MAP3K13: variants seen among roughly 807,000 people sequenced by gnomAD.
MAP3K13 encodes the protein leucine zipper-bearing kinase.
MAP3K13 carries 52 observed loss-of-function variants against 104.0 expected under a neutral mutation model. The observed-to-expected ratio is 0.50, with a 90% CI of 0.40 to 0.63. The LOEUF (loss-of-function observed/expected upper bound fraction) is 0.63, where lower values mean the gene tolerates loss of function less well. MAP3K13 is among the 20% of genes least tolerant of loss of function. MAP3K13 has a pLI of 0.00. For synonymous variants in MAP3K13, 394 were observed against 442.2 expected (o/e 0.89, Z 1.37); for missense variants, 914 against 1,218.5 (o/e 0.75, Z 3.72).
Position 185,428,791 on chromosome 3 carries a change from G to A in MAP3K13, c.210G>A (p.Thr70=), listed in dbSNP as rs567375055. The A allele has an allele frequency of 1.4e-5, 22 of 1,614,114 alleles. No homozygotes were observed. The highest frequency in any genetic ancestry group is 4.5e-5 in the East Asian group (2 of 44,878). ...GCCCCGTCACCACAACAGTGTTGAC[G>A]AGCGTAAGTGAGGATTCCAGGGACC... ...VHSPVTTTVL[T]SVSEDSRDQF... is the part of the protein sequence containing the mutation. Residue 70 remains threonine, a synonymous_variant, in exon 2 of 14, where the codon ACG becomes ACA. Coordinates refer to ENST00000265026, the MANE Select transcript of MAP3K13 (RefSeq NM_004721.5).
chr3:185,308,817 G>T (rs1422440148), intron 2 of MAP3K13, among the ~76,000 whole-genome samples: 3 of 152,218 alleles, frequency 2.0e-5, no homozygotes, highest in Non-Finnish European at 4.4e-5. Context: ...GGACTGGCTT[G>T]GGGAAGGCCT....
chr3:185,452,972 ATC>A (rs1715977650), intron 7 of MAP3K13, among the ~76,000 whole-genome samples: 1 of 152,188 alleles, frequency 6.6e-6, no homozygotes, highest in Non-Finnish European at 1.5e-5. Context: ...TGACAAGAGA[ATC>A]TGCCACAGCA....
chr3:185,343,057 G>T (rs1414096412), intron 2 of MAP3K13, among the ~76,000 whole-genome samples: 1 of 152,122 alleles, frequency 6.6e-6, no homozygotes, highest in Admixed American at 6.5e-5. Context: ...TCCTTGCCAT[G>T]CGGGGTTCCC....
chr3:185,414,646 T>C (rs1313631490), intron 1 of MAP3K13, among the ~76,000 whole-genome samples: 1 of 152,156 alleles, frequency 6.6e-6, no homozygotes, highest in African/African-American at 2.4e-5. Flanking sequence ...TGCAGCTTTG[T>C]GAGAACTTTC....
chr3:185,285,635 C>T (rs759270593), exon 2 of MAP3K13: 22 of 1,534,830 alleles, frequency 1.4e-5, no homozygotes, highest in African/African-American at 2.7e-5. Flanking sequence ...TCCTAGCACT[C>T]TGGGAGAGGT....
rs770336517 is a variant in MAP3K13, at chr3:185,395,357, CTTT to C, written c.-86+32006_-86+32008del. Among the ~76,000 whole-genome samples the C allele has an allele frequency of 1.9e-4, 13 of 69,978 alleles. 1 individual carries two copies. The Admixed American group carries it at 2.0e-3, about 11-fold the overall frequency. The allele number at this position is 69,978 out of a possible 152,430, so 45.9% of individuals were successfully genotyped here. A position where few individuals can be genotyped will look rare whatever the true frequency, so the allele number is the denominator to read the frequency against. ...AGGCATTTCTAATTCAATATTATTT[CTTT>C]TTTTTTTTTTTTTTTTGAGACGGAG... On this transcript the variant is annotated intron_variant, in intron 1 of 13. Coordinates refer to ENST00000265026, the MANE Select transcript of MAP3K13 (RefSeq NM_004721.5).
At chr3:185,453,418 A>C (rs1261906964) in intron 7 of MAP3K13, among the ~76,000 whole-genome samples, 1 of 152,068 alleles carries the variant, frequency 6.6e-6, no homozygotes, top group Non-Finnish European at 1.5e-5. Flanking sequence ...CCCATCCCTG[A>C]AGGGCGATGA....
At chr3:185,288,466 A>G (rs1720611891) in intron 2 of MAP3K13, among the ~76,000 whole-genome samples, 1 of 150,576 alleles carries the variant, frequency 6.6e-6, no homozygotes, top group South Asian at 2.1e-4. Context: ...GAGAGAATAT[A>G]TATATTCCAG....
At chr3:185,312,035 T>C (rs973759063) in intron 2 of MAP3K13, among the ~76,000 whole-genome samples, 1 of 152,248 alleles carries the variant, frequency 6.6e-6, no homozygotes, top group African/African-American at 2.4e-5. Flanking sequence ...TAGAAAGGCA[T>C]TGGGTAAATA....
At chr3:185,366,496 T>C (rs761281275) in intron 1 of MAP3K13, among the ~76,000 whole-genome samples, 1 of 152,192 alleles carries the variant, frequency 6.6e-6, no homozygotes, top group Non-Finnish European at 1.5e-5. Flanking sequence ...ATGTTTAACA[T>C]TTTCAGGAGA....
In MAP3K13 at chr3:185,300,411, T is replaced by C. The variant is rs141684474; in HGVS notation, c.-86+14768T>C. ...CTTGTCTCGAACTCCTGATCACAGG[T>C]GATCCACCTGCCTTGGCCTCCCAAA... is the stretch of plus-strand genomic sequence containing the variant. On this transcript the variant is annotated intron_variant, in intron 2 of 14. Transcript: ENST00000424227. Among the ~76,000 whole-genome samples the C allele has an allele frequency of 4.5e-3, 680 of 152,192 alleles. 5 individuals are homozygous for C. Among genetic ancestry groups the C allele is most frequent in the African/African-American group, 0.015 (640 of 41,538 alleles).
rs1201492995 is a variant in MAP3K13 at position 185,418,325 on chromosome 3, A to G, written c.-85-10172A>G. 1 of 1,582,302 alleles carries G rather than the reference A, an allele frequency of 6.3e-7. No homozygotes were observed. Among genetic ancestry groups the G allele is most frequent in the Non-Finnish European group, 8.7e-7 (1 of 1,152,984 alleles). The stretch of plus-strand genomic sequence containing the variant: ...CCTTCAACTTTATCTTCAAATACCA[A>G]AGGAAGTTCAGGAACTTCCTCAATA... On this transcript the variant is annotated intron_variant, in intron 1 of 13. Transcript: ENST00000265026. The surrounding 1 kb of genome is among the most constrained non-coding windows in gnomAD (Gnocchi z 4.5).
chr3:185,396,963 G>A (rs911991068), intron 1 of MAP3K13, among the ~76,000 whole-genome samples: 1 of 152,070 alleles, frequency 6.6e-6, no homozygotes, highest in Admixed American at 6.5e-5. Flanking sequence ...TCATTGTTCT[G>A]TTAACATAAC....
At chr3:185,371,867 G>T (rs754242976) in intron 1 of MAP3K13, among the ~76,000 whole-genome samples, 17 of 152,102 alleles carry the variant, frequency 1.1e-4, no homozygotes, top group Non-Finnish European at 2.4e-4. Flanking sequence ...GCCCACTAAG[G>T]CTCCTTATTA....
chr3:185,408,952 G>A (rs376268635), intron 1 of MAP3K13, among the ~76,000 whole-genome samples: 6 of 152,260 alleles, frequency 3.9e-5, no homozygotes, highest in African/African-American at 7.2e-5. Flanking sequence ...ATCAGAAGGC[G>A]TCTACCAATG....
chr3:185,373,030 C>T lies in MAP3K13; in HGVS notation c.-86+9662C>T, dbSNP rs138343159. On this transcript the variant is annotated intron_variant, in intron 1 of 13. Coordinates refer to ENST00000265026, the MANE Select transcript of MAP3K13 (RefSeq NM_004721.5). ...TGTACCCAGAAATTCTTTACATTGA[C>T]AAATAGTTATGGACTTGAATTGGCT... Among the ~76,000 whole-genome samples the T allele has an allele frequency of 1.7e-3, 263 of 152,232 alleles. 8 individuals are homozygous for T. In the South Asian group the frequency reaches 0.018, roughly 10 times the overall value.
intron 7 of MAP3K13, among the ~76,000 whole-genome samples, chr3:185,455,268 TATATATGAGATATATGAG>T (rs1277974650): frequency 9.3e-6 from 1 of 108,104 alleles, no homozygotes; most frequent in Admixed American, 1.1e-4. Flanking sequence ...ATATATGAGA[TATATATGAGATATATGAG>T]ATATATATAT....
intron 2 of MAP3K13, chr3:185,292,849 A>G (rs1322923414): frequency 5.1e-6 from 5 of 984,348 alleles, no homozygotes; most frequent in African/African-American, 3.5e-5. Context: ...AGCATTGTCA[A>G]TGCTTTAGAG....
At chr3:185,339,092 G>T (rs373049651) in intron 2 of MAP3K13, among the ~76,000 whole-genome samples, 3 of 152,270 alleles carry the variant, frequency 2.0e-5, no homozygotes, top group East Asian at 1.9e-4. Context: ...AGCTGAGGCG[G>T]GTGGGTCACC....
Sources: allele counts gnomAD v4.1 joint callset (sites outside exome capture counted in the v4.1 genomes callset), GRCh38; gene constraint gnomAD v4.1.1; non-coding constraint Gnocchi (gnomAD v3.1); transcripts MANE v1.5; gene names NCBI Gene and HGNC (gene_info 2026-07-23, HGNC 2026-07-21).